MED12L: variants seen among roughly 807,000 people sequenced by gnomAD.
MED12L encodes the protein mediator complex subunit 12L.
A neutral mutation model predicts 281.3 loss-of-function variants in MED12L; 60 were observed. The ratio of observed to expected loss-of-function variants is 0.21; its 90% CI spans 0.17 to 0.26. The LOEUF (loss-of-function observed/expected upper bound fraction) is 0.26. Among genes scored for constraint, MED12L ranks in the 10% least tolerant of loss-of-function variants. The pLI is 1.00. For missense variants in MED12L, 2,146 were observed against 2,680.9 expected, an observed-to-expected ratio of 0.80 and a Z score of 4.41; for synonymous variants, 974 against 987.2, an observed-to-expected ratio of 0.99 and a Z score of 0.25.
In MED12L at chr3:151,379,602, TGA is replaced by T. The variant is rs1166886170; in HGVS notation, c.4479-510_4479-509del. The stretch of plus-strand genomic sequence containing the variant: ...TTTTGGAGTCCTCAGCCCTGGCTGA[TGA>T]ATTAGCTCTACTAACACCCTGCTTT... On this transcript the variant is annotated intron_variant, in intron 31 of 44. Coordinates refer to ENST00000687756, the MANE Select transcript of MED12L (RefSeq NM_001393769.1). 8.5e-5 allele frequency among the ~76,000 whole-genome samples: 13 copies of T among 152,302 alleles called. No homozygotes were observed. The South Asian group carries it at 1.2e-3, about 15-fold the overall frequency.
At position 151,372,602 on chromosome 3, in the gene MED12L, T is replaced by C; in HGVS notation, c.3700T>C (p.Leu1234=). Residue 1234 remains leucine (L), a synonymous_variant, in exon 27 of 45, where the codon TTA becomes CTA. Coordinates refer to ENST00000687756, the MANE Select transcript of MED12L (RefSeq NM_001393769.1). ...AATTGGCAATAACAGTGTCAGCTCTTTAAAGAATGATGACTTCACCATGAG... is the reference window on the plus strand; with the variant it reads ...AATTGGCAATAACAGTGTCAGCTCTCTAAAGAATGATGACTTCACCATGAG... ...AKIGNNSVSS[L]KNDDFTMRGL... The C allele has an allele frequency of 6.2e-7, 1 of 1,613,904 alleles. No homozygotes were observed. Among genetic ancestry groups the C allele is most frequent in the African/African-American group, 1.3e-5 (1 of 75,044 alleles).
intron 16 of MED12L, among the ~76,000 whole-genome samples, chr3:151,260,839 A>T (rs1738729230): frequency 6.6e-6 from 1 of 152,104 alleles, no homozygotes; most frequent in Admixed American, 6.6e-5. Context: ...CCTTAGTTGT[A>T]TTCAGACTAA....
chr3:151,285,091 AT>A (rs1201901101), intron 16 of MED12L, among the ~76,000 whole-genome samples: 1 of 152,240 alleles, frequency 6.6e-6, no homozygotes, highest in Non-Finnish European at 1.5e-5. Flanking sequence ...GGAGTTAGAG[AT>A]CATTATTCTT....
intron 16 of MED12L, among the ~76,000 whole-genome samples, chr3:151,249,933 A>G (rs1238657228): frequency 6.6e-6 from 1 of 152,074 alleles, no homozygotes; most frequent in Non-Finnish European, 1.5e-5. Flanking sequence ...TTCCCATTTT[A>G]CCAGTTTCTT....
rs766735463 is a variant in MED12L at position 151,213,740 on chromosome 3, C to T, written c.2250+20074C>T. 5.6e-6 allele frequency: 9 copies of T among 1,614,080 alleles called. No individual in the cohort carries two copies. The African/African-American group carries it at 1.1e-4, about 19-fold the overall frequency. On this transcript the variant is annotated intron_variant, in intron 16 of 44. Coordinates refer to ENST00000687756, the MANE Select transcript of MED12L (RefSeq NM_001393769.1). ...AAAAGAAACACAATCCAGAAGATGG[C>T]CACGAAGATGTAGTTTGATGCTTTG...
rs555756051 is a variant in MED12L at position 151,104,624 on chromosome 3, C to T, written c.100-11714C>T. Among the ~76,000 whole-genome samples, 13 of 152,224 alleles carry T rather than the reference C, an allele frequency of 8.5e-5. No individual in the cohort carries two copies. The East Asian group carries it at 2.5e-3, about 29-fold the overall frequency. On this transcript the variant is annotated intron_variant, in intron 2 of 44. Coordinates refer to ENST00000687756, the MANE Select transcript of MED12L (RefSeq NM_001393769.1). ...CCATGGGGAATAGAGCAGAGCCTGC[C>T]CTCCCCTACCTGTATGTTTTCATTT...
intron 5 of MED12L, among the ~76,000 whole-genome samples, chr3:151,153,042 A>G (rs1335254565): frequency 6.6e-6 from 1 of 152,102 alleles, no homozygotes; most frequent in African/African-American, 2.4e-5. Flanking sequence ...ATGTGTTTAT[A>G]ATTTACGTGT....
intron 16 of MED12L, among the ~76,000 whole-genome samples, chr3:151,320,800 C>T (rs78117297): frequency 0.02 from 3,005 of 152,236 alleles, 36 homozygotes; most frequent in Middle Eastern, 0.054. Context: ...GTGCGAGAGG[C>T]AGTGTCCGGC....
chr3:151,417,244 A>G (rs1279254991), intron 43 of MED12L, among the ~76,000 whole-genome samples: 1 of 152,200 alleles, frequency 6.6e-6, no homozygotes, highest in African/African-American at 2.4e-5. Context: ...TTTGAGAAAC[A>G]CTAGTGTAGA....
At chr3:151,269,761 G>A in intron 16 of MED12L, 1 of 423,440 alleles carries the variant, frequency 2.4e-6, no homozygotes, top group Non-Finnish European at 4.6e-6. Context: ...GAATGAGAGT[G>A]GTGATCTATT....
In MED12L at chr3:151,166,026, G is replaced by C. The variant is rs749010861; in HGVS notation, c.1494+44G>C. ...ATTCTTTTCACCTTTTATTTTCATA[G>C]TGTTTTTTTCTTCTTTCTCATTCAG... On this transcript the variant is annotated intron_variant, in intron 11 of 44. Transcript: ENST00000687756. 7 of 1,543,472 alleles carry C rather than the reference G, an allele frequency of 4.5e-6. No individual in the cohort carries two copies. The East Asian group carries it at 1.6e-4, about 35-fold the overall frequency.
chr3:151,301,479 C>T (rs1745917416), intron 16 of MED12L, among the ~76,000 whole-genome samples: 1 of 152,086 alleles, frequency 6.6e-6, no homozygotes, highest in African/African-American at 2.4e-5. Context: ...ATAAGCAGGA[C>T]ATAGAGAGAG....
At chr3:151,254,249 C>A (rs1737396092) in intron 16 of MED12L, among the ~76,000 whole-genome samples, 1 of 152,168 alleles carries the variant, frequency 6.6e-6, no homozygotes, top group Admixed American at 6.5e-5. Flanking sequence ...GAGGATTTAG[C>A]TCACTGTGCA....
chr3:151,420,049 G>A (rs116234072), intron 43 of MED12L, among the ~76,000 whole-genome samples: 150 of 152,258 alleles, frequency 9.9e-4, no homozygotes, highest in African/African-American at 3.5e-3. Flanking sequence ...AGCAGGTCGT[G>A]TTTTTCTTCC....
At chr3:151,309,459 G>A (rs1005971763) in intron 16 of MED12L, among the ~76,000 whole-genome samples, 1 of 152,132 alleles carries the variant, frequency 6.6e-6, no homozygotes, top group Non-Finnish European at 1.5e-5. Flanking sequence ...CTCCTCTGCA[G>A]GTGATGAGGA....
chr3:151,182,060 A>T (rs1722763734), intron 11 of MED12L, among the ~76,000 whole-genome samples: 1 of 152,208 alleles, frequency 6.6e-6, no homozygotes, highest in South Asian at 2.1e-4. Context: ...GCTTGAGATG[A>T]CAAGACACCT....
chr3:151,417,133 A>G (rs1717655642), intron 43 of MED12L, among the ~76,000 whole-genome samples: 1 of 152,244 alleles, frequency 6.6e-6, no homozygotes, highest in African/African-American at 2.4e-5. Flanking sequence ...GAAAGTAAAT[A>G]CAAAAATAAT....
intron 16 of MED12L, chr3:151,295,323 C>T (rs1023602449): frequency 3.0e-6 from 2 of 673,372 alleles, no homozygotes; most frequent in Non-Finnish European, 5.2e-6. Context: ...TTAAAGATGT[C>T]ATCAATGATT....
chr3:151,275,020 A>G (rs1741613761), intron 16 of MED12L, among the ~76,000 whole-genome samples: 1 of 152,192 alleles, frequency 6.6e-6, no homozygotes, highest in Non-Finnish European at 1.5e-5. Flanking sequence ...CTTTGACCTT[A>G]GGGCTCGACT....
Sources: allele counts gnomAD v4.1 joint callset (sites outside exome capture counted in the v4.1 genomes callset), GRCh38; gene constraint gnomAD v4.1.1; transcripts MANE v1.5; gene names NCBI Gene and HGNC (gene_info 2026-07-23, HGNC 2026-07-21).